ADH1B: variants seen among roughly 807,000 people sequenced by gnomAD.
ADH1B encodes the protein alcohol dehydrogenase 1B (class I), beta polypeptide, also known as all-trans-retinol dehydrogenase [NAD(+)] ADH1B.
Under a neutral mutation model 34.6 loss-of-function variants are expected in ADH1B, and 29 were observed. The observed-to-expected ratio is 0.84, with a 90% CI of 0.62 to 1.14. The LOEUF (loss-of-function observed/expected upper bound fraction) is 1.14, where lower values mean the gene tolerates loss of function less well. Ranked by LOEUF, ADH1B falls within the 50% of genes most tolerant of loss-of-function variation. The pLI, the probability that ADH1B is intolerant of heterozygous loss-of-function variation, is 0.00. For synonymous variants in ADH1B, 170 were observed against 175.5 expected (o/e 0.97, Z 0.25); for missense variants, 424 against 468.4 (o/e 0.91, Z 0.87).
rs71996730 is a variant in ADH1B at position 99,305,501 on chromosome 4, CATATATAT to C, written c.*2331_*2338del. Reference sequence around the variant, plus strand: ...AGCCAATACTTTCTACACTGGAATACATATATATATATATATATATATACAATCACTTA... The same window carrying C: ...AGCCAATACTTTCTACACTGGAATACATATATATATATATACAATCACTTA... On this transcript the variant is annotated 3_prime_UTR_variant, in exon 9 of 9. Transcript: ENST00000305046. 1.1e-5 allele frequency: 1 copy of C among 94,378 alleles called. No individual in the cohort carries two copies. The highest frequency in any genetic ancestry group is 4.8e-5 in the African/African-American group (1 of 20,920). The allele number at this position is 94,378 out of a possible 1,614,324, so 5.8% of individuals were successfully genotyped here. A position where few individuals can be genotyped will look rare whatever the true frequency, so the allele number is the denominator to read the frequency against.
chr4:99,313,704 G>A, intron 6 of ADH1B, 117 bp downstream of exon 6: 2 of 1,547,072 alleles, frequency 1.3e-6, no homozygotes, highest in African/African-American at 1.4e-5. Flanking sequence ...AACAGATGAT[G>A]GGAAATTTCC....
chr4:99,317,743 A>T (rs915109069), intron 3 of ADH1B: 5 of 338,652 alleles, frequency 1.5e-5, no homozygotes, highest in Admixed American at 9.3e-5. Flanking sequence ...TTACTGGACT[A>T]TGAATGCCAC....
intron 6 of ADH1B, chr4:99,313,570 A>G: frequency 1.9e-6 from 1 of 531,722 alleles, no homozygotes; most frequent in Non-Finnish European, 3.2e-6. Context: ...TAAATCTATA[A>G]TTGCTCAGTT....
chr4:99,307,975 A>G, intron 8 of ADH1B, 111 bp from the exon 9 acceptor site: 2 of 1,407,108 alleles, frequency 1.4e-6, no homozygotes, highest in Non-Finnish European at 2.0e-6. Flanking sequence ...CTGTGATCCC[A>G]GCTACCCTAT....
At chr4:99,313,706 G>A in intron 6 of ADH1B, 115 bp downstream of exon 6, 1 of 1,556,620 alleles carries the variant, frequency 6.4e-7, no homozygotes, top group Non-Finnish European at 8.7e-7. Context: ...CAGATGATGG[G>A]AAATTTCCAT....
intron 1 of ADH1B, chr4:99,319,230 GAA>G (rs1553912971): frequency 2.8e-6 from 1 of 355,940 alleles, no homozygotes; most frequent in Non-Finnish European, 5.3e-6. Context: ...GCTGATATAT[GAA>G]GTTAGAAGTC....
In ADH1B at chr4:99,317,883, C is replaced by T. The variant is rs1361464383; in HGVS notation, c.259+163G>A. 6 of 1,175,012 alleles carry T rather than the reference C, an allele frequency of 5.1e-6. No homozygotes were observed. In the African/African-American group the frequency reaches 7.7e-5, roughly 15 times the overall value. The allele number at this position is 1,175,012 out of a possible 1,614,324, so 72.8% of individuals were successfully genotyped here. A position where few individuals can be genotyped will look rare whatever the true frequency, so the allele number is the denominator to read the frequency against. ...ACATGAGTGCCTGAATGCATACATG[C>T]TTGGGTCAGGCAGGCAGAGAGGGAA... On this transcript the variant is annotated intron_variant, in intron 3 of 8. Transcript: ENST00000305046.
rs1733615041 is a variant in ADH1B at position 99,306,568 on chromosome 4, C to A, written c.*1272G>T. 6.6e-6 allele frequency: 1 copy of A among 152,068 alleles called. No homozygotes were observed. The highest frequency in any genetic ancestry group is 6.5e-5 in the Admixed American group (1 of 15,268). The allele number at this position is 152,068 out of a possible 1,614,324, so 9.4% of individuals were successfully genotyped here. A position where few individuals can be genotyped will look rare whatever the true frequency, so the allele number is the denominator to read the frequency against. On this transcript the variant is annotated 3_prime_UTR_variant, in exon 9 of 9. Transcript: ENST00000305046. ...AATATGAAATAGAATGTAGATATTG[C>A]AACAATAGCATTTTTGGAGACAGCT...
intron 8 of ADH1B, 87 bp from the exon 9 acceptor site, chr4:99,307,951 T>C: frequency 6.4e-7 from 1 of 1,567,130 alleles, no homozygotes; most frequent in Admixed American, 1.7e-5. Context: ...TGAGGTGTCT[T>C]AGTGAAAATC....
intron 2 of ADH1B, chr4:99,318,463 TAGA>T (rs1334725859): frequency 3.1e-5 from 16 of 523,188 alleles, no homozygotes; most frequent in Non-Finnish European, 4.9e-5. Flanking sequence ...CTTTAAAAAA[TAGA>T]AGTAGAAATA....
At chr4:99,320,262 A>T (rs1733989582) in intron 1 of ADH1B, 1 of 152,126 alleles carries the variant, frequency 6.6e-6, no homozygotes, top group South Asian at 2.1e-4. Flanking sequence ...GTGTCCTCAT[A>T]GTTTAGCTAC....
rs113103450 is a variant in ADH1B at position 99,313,758 on chromosome 4, G to T, written c.828+63C>A. 3.7e-6 allele frequency: 6 copies of T among 1,612,780 alleles called. No homozygotes were observed. In the African/African-American group the frequency reaches 4.0e-5, roughly 11 times the overall value. ...CCTTTATACATAAAACATATATTTTGCTGCCTAAATGCATCTTCCAGGTTG... is the reference window on the plus strand; with the variant it reads ...CCTTTATACATAAAACATATATTTTTCTGCCTAAATGCATCTTCCAGGTTG... On this transcript the variant is annotated intron_variant, in intron 6 of 8. Coordinates refer to ENST00000305046, the MANE Select transcript of ADH1B (RefSeq NM_000668.6).
rs56951572 is a variant in ADH1B at position 99,305,561 on chromosome 4, GTATATATATATATATA to G, written c.*2263_*2278del. On this transcript the variant is annotated 3_prime_UTR_variant, in exon 9 of 9. Transcript: ENST00000305046. ...CTATATGAACCACTTGCCCCATAGT[GTATATATATATATATA>G]TATATATATATATATATATATATAT... 0.05 allele frequency: 2,484 copies of G among 49,344 alleles called. 149 individuals carry two copies. Among genetic ancestry groups the G allele is most frequent in the South Asian group, 0.24 (291 of 1,210 alleles). 3.1% of individuals were successfully genotyped at this position (49,344 alleles called of 1,614,324 possible). A position where few individuals can be genotyped will look rare whatever the true frequency, so the allele number is the denominator to read the frequency against.
At position 99,311,655 on chromosome 4, in the gene ADH1B, A is replaced by G; in HGVS notation, c.830T>C (p.Met277Thr). 6.2e-7 allele frequency: 1 copy of G among 1,613,666 alleles called. No homozygotes were observed. The highest frequency in any genetic ancestry group is 8.5e-7 in the Non-Finnish European group (1 of 1,179,802). Reference protein sequence around the residue: ...FEVIGRLDTMMASLLCCHEAC... With the variant: ...FEVIGRLDTMTASLLCCHEAC... ...CTCATGACAACATAACAGGGAAGCCATCTGGAATAAAGTGAATATTTAGCA... is the reference window on the plus strand; with the variant it reads ...CTCATGACAACATAACAGGGAAGCCGTCTGGAATAAAGTGAATATTTAGCA... Residue 277 changes from methionine to threonine, a missense_variant and splice_region_variant, in exon 7 of 9, where the codon ATG becomes ACG. Met to Thr is a moderately conservative substitution (Grantham distance 81). Transcript: ENST00000305046.
In ADH1B at chr4:99,311,581, G is replaced by C; in HGVS notation, c.904C>G (p.Leu302Val). The C allele has an allele frequency of 6.2e-7, 1 of 1,614,082 alleles. No individual in the cohort carries two copies. Among genetic ancestry groups the C allele is most frequent in the African/African-American group, 1.3e-5 (1 of 75,024 alleles). Residue 302 changes from leucine (L) to valine (V), a missense_variant, in exon 7 of 9, where the codon CTC (leucine) becomes GTC (valine). By Grantham distance (32) the Leu-to-Val change is conservative (BLOSUM62 1). This residue lies in a region of ADH1B where 130 missense variants were observed against 151.8 expected (regional missense o/e 0.86). Coordinates refer to ENST00000305046, the MANE Select transcript of ADH1B (RefSeq NM_000668.6). ...IVGVPPASQNLSINPMLLLTG... is the reference protein window; with the variant it reads ...IVGVPPASQNVSINPMLLLTG... ...AGTAGCAGCATAGGGTTTATTGAGAGGTTCTGGGAAGCAGGAGGTACCCCT... is the reference window on the plus strand; with the variant it reads ...AGTAGCAGCATAGGGTTTATTGAGACGTTCTGGGAAGCAGGAGGTACCCCT...
At chr4:99,320,751 A>C (rs2110640722) in intron 1 of ADH1B, 1 of 1,084,038 alleles carries the variant, frequency 9.2e-7, no homozygotes, top group South Asian at 2.4e-5. Context: ...ATCATAATGG[A>C]CCCCTTTTAA....
chr4:99,321,208 A>G, intron 1 of ADH1B, 106 bp downstream of exon 1: 1 of 1,022,618 alleles, frequency 9.8e-7, no homozygotes, highest in Non-Finnish European at 1.5e-6. Context: ...TCAGCATATC[A>G]TTTCTAATTT....
intron 5 of ADH1B, 57 bp downstream of exon 5, chr4:99,315,841 C>A: frequency 1.3e-6 from 2 of 1,599,606 alleles, no homozygotes; most frequent in Middle Eastern, 3.3e-4. Context: ...AATTGCTTCC[C>A]TTTTGGTTTC....
Position 99,305,101 on chromosome 4 carries a change from T to C in ADH1B, c.*2739A>G, listed in dbSNP as rs983296393. 6.6e-6 allele frequency: 1 copy of C among 152,146 alleles called. No individual in the cohort carries two copies. The highest frequency in any genetic ancestry group is 2.4e-5 in the African/African-American group (1 of 41,426). 9.4% of individuals were successfully genotyped at this position (152,146 alleles called of 1,614,324 possible). A position where few individuals can be genotyped will look rare whatever the true frequency, so the allele number is the denominator to read the frequency against. ...TTGTTCATTTTCCTCTTTGGTTGTC[T>C]ATTTTTAAATGAAAAAGCACCAGGA... On this transcript the variant is annotated 3_prime_UTR_variant, in exon 9 of 9. Coordinates refer to ENST00000305046, the MANE Select transcript of ADH1B (RefSeq NM_000668.6).
Sources: allele counts gnomAD v4.1 joint callset, GRCh38; gene constraint gnomAD v4.1.1; regional missense constraint gnomAD v4.1.1; transcripts MANE v1.5; gene names NCBI Gene and HGNC (gene_info 2026-07-23, HGNC 2026-07-21).